Variants in ZFHX3 observed in about 807,000 individuals in gnomAD.
The protein encoded by ZFHX3 is zinc finger homeobox protein 3.
A neutral mutation model predicts 279.1 loss-of-function variants in ZFHX3; 42 were observed. That is an observed-to-expected ratio of 0.15 (90% CI 0.12 to 0.19). The LOEUF is 0.19. ZFHX3 is among the 10% of genes least tolerant of loss of function. The pLI is 1.00. For synonymous variants in ZFHX3, 2,293 were observed against 1,957.8 expected (o/e 1.17, Z -4.52); for missense variants, 4,981 against 4,754.0 (o/e 1.05, Z -1.40).
intron 1 of ZFHX3, among the ~76,000 whole-genome samples, chr16:73,783,046 G>A (rs8049020): frequency 0.016 from 2,398 of 152,198 alleles, 50 homozygotes; most frequent in African/African-American, 0.054. Context: ...CAGAGAGAGA[G>A]GGGGGCACTG....
chr16:72,972,291 C>T (rs1018455352), intron 1 of ZFHX3, among the ~76,000 whole-genome samples: 3 of 152,042 alleles, frequency 2.0e-5, no homozygotes, highest in African/African-American at 7.2e-5. Context: ...CCCTTGAGTT[C>T]CTACCAGTCC....
intron 2 of ZFHX3, among the ~76,000 whole-genome samples, chr16:73,629,003 C>T (rs1221033398): frequency 6.6e-6 from 1 of 152,176 alleles, no homozygotes; most frequent in African/African-American, 2.4e-5. Flanking sequence ...AATGAATCCA[C>T]AATGCACACA....
intron 4 of ZFHX3, among the ~76,000 whole-genome samples, chr16:73,291,407 G>A (rs1039181075): frequency 6.6e-6 from 1 of 152,200 alleles, no homozygotes; most frequent in African/African-American, 2.4e-5. Context: ...TGGAATGAAG[G>A]TTTATTGGCT....
intron 2 of ZFHX3, among the ~76,000 whole-genome samples, chr16:73,559,223 A>G (rs946294025): frequency 6.6e-6 from 1 of 151,434 alleles, no homozygotes; most frequent in African/African-American, 2.4e-5. Flanking sequence ...GATTTTTTTT[A>G]TTTTTGTAGA....
At chr16:73,152,289 C>T (rs999181481) in intron 5 of ZFHX3, among the ~76,000 whole-genome samples, 6 of 152,180 alleles carry the variant, frequency 3.9e-5, no homozygotes. Flanking sequence ...CTATTCCCAG[C>T]TGTCAGAGAC....
At chr16:73,356,181 C>A (rs781496075) in intron 3 of ZFHX3, among the ~76,000 whole-genome samples, 4 of 152,204 alleles carry the variant, frequency 2.6e-5, no homozygotes, top group Non-Finnish European at 4.4e-5. Flanking sequence ...CCCCGCCGAC[C>A]ATTGCCAACC....
chr16:72,964,317 A>G (rs1961726512), intron 1 of ZFHX3, among the ~76,000 whole-genome samples: 1 of 152,246 alleles, frequency 6.6e-6, no homozygotes, highest in Admixed American at 6.5e-5. Context: ...CCCTAAATAA[A>G]TTACAGTGCA....
chr16:73,024,025 T>A (rs996530826), intron 1 of ZFHX3, among the ~76,000 whole-genome samples: 1 of 152,088 alleles, frequency 6.6e-6, no homozygotes, highest in Non-Finnish European at 1.5e-5. Context: ...GTATTACCAT[T>A]AAACAACATG....
At chr16:73,501,055 T>C (rs2143664783) in intron 2 of ZFHX3, among the ~76,000 whole-genome samples, 1 of 152,368 alleles carries the variant, frequency 6.6e-6, no homozygotes, top group East Asian at 1.9e-4. Flanking sequence ...TTTTTAATCT[T>C]TTAAACGATA....
intron 3 of ZFHX3, among the ~76,000 whole-genome samples, chr16:73,453,424 G>A (rs2018313228): frequency 6.6e-6 from 1 of 152,144 alleles, no homozygotes; most frequent in Non-Finnish European, 1.5e-5. Context: ...TTGCTCTGGA[G>A]AATGTTAACT....
intron 5 of ZFHX3, among the ~76,000 whole-genome samples, chr16:73,177,642 G>C (rs944423789): frequency 6.6e-6 from 1 of 152,186 alleles, no homozygotes; most frequent in Non-Finnish European, 1.5e-5. Context: ...TGTTTCCACA[G>C]ATCTCAGACT....
At chr16:72,972,206 C>A (rs2144512381) in intron 1 of ZFHX3, among the ~76,000 whole-genome samples, 1 of 152,208 alleles carries the variant, frequency 6.6e-6, no homozygotes, top group East Asian at 1.9e-4. Flanking sequence ...CCTGTTATTT[C>A]TATGGCAGGT....
At chr16:72,951,048 A>AC in intron 2 of ZFHX3, 83 bp from the exon 3 acceptor site, 1 of 1,533,392 alleles carries the variant, frequency 6.5e-7, no homozygotes, top group Non-Finnish European at 8.8e-7. Flanking sequence ...GCCCTCCGCC[A>AC]CCCTCAACTG....
chr16:73,253,888 G>A (rs980826284), intron 5 of ZFHX3, among the ~76,000 whole-genome samples: 65 of 152,260 alleles, frequency 4.3e-4, no homozygotes, highest in African/African-American at 1.4e-3. Context: ...TCCTTAAAAG[G>A]CAGGTTAGAA....
Position 72,788,689 on chromosome 16 carries a change from G to A in ZFHX3, c.9587C>T (p.Pro3196Leu), listed in dbSNP as rs143796906. 2.5e-6 allele frequency: 4 copies of A among 1,611,852 alleles called. No individual in the cohort carries two copies. The African/African-American group carries it at 5.3e-5, about 22-fold the overall frequency. ...TTGCTGCTGCTGCTGCTGCTGCTGGGGGGGTTGCTGAGGGCCCATCGCCAT... is the reference window on the plus strand; with the variant it reads ...TTGCTGCTGCTGCTGCTGCTGCTGGAGGGGTTGCTGAGGGCCCATCGCCAT... ...ATMAMGPQQP[P>L]QQQQQQQQPQ... The change falls in exon 10 of 10, where the codon CCC (proline) becomes CTC (leucine). Residue 3196 changes from proline (P) to leucine (L), a missense_variant. Physicochemically the swap from Pro to Leu is moderately conservative, Grantham distance 98. Coordinates refer to ENST00000268489, the MANE Select transcript of ZFHX3 (RefSeq NM_006885.4).
intron 2 of ZFHX3, among the ~76,000 whole-genome samples, chr16:73,495,748 T>C (rs2019130417): frequency 6.6e-6 from 1 of 152,176 alleles, no homozygotes; most frequent in Admixed American, 6.5e-5. Flanking sequence ...AGACGCCCAT[T>C]TGACATGGCA....
intron 1 of ZFHX3, among the ~76,000 whole-genome samples, chr16:73,019,281 T>G (rs1444209825): frequency 6.6e-6 from 1 of 152,108 alleles, no homozygotes; most frequent in African/African-American, 2.4e-5. Context: ...TCTCAGGACA[T>G]GACGCCAAGC....
chr16:73,273,036 C>T (rs999852931), intron 4 of ZFHX3, among the ~76,000 whole-genome samples: 9 of 152,102 alleles, frequency 5.9e-5, no homozygotes, highest in African/African-American at 1.4e-4. Flanking sequence ...TGTGAGCCAC[C>T]GTGCCCAGCC....
At chr16:73,432,244 C>T (rs946202090) in intron 3 of ZFHX3, among the ~76,000 whole-genome samples, 2 of 152,036 alleles carry the variant, frequency 1.3e-5, no homozygotes, top group African/African-American at 4.8e-5. Context: ...TCATCCTGTA[C>T]CTACTGATTA....
Sources: allele counts gnomAD v4.1 joint callset (sites outside exome capture counted in the v4.1 genomes callset), GRCh38; gene constraint gnomAD v4.1.1; transcripts MANE v1.5; gene names NCBI Gene and HGNC (gene_info 2026-07-23, HGNC 2026-07-21).